PARD3: variants seen among roughly 807,000 people sequenced by gnomAD.
PARD3 encodes the protein partitioning defective 3 homolog.
Under a neutral mutation model 155.4 loss-of-function variants are expected in PARD3, and 75 were observed. The ratio of observed to expected loss-of-function variants is 0.48; its 90% CI spans 0.40 to 0.58. PARD3 has a LOEUF of 0.58. PARD3 is among the 20% of genes least tolerant of loss of function. The pLI is 0.00. For synonymous variants in PARD3, 576 were observed against 610.5 expected (o/e 0.94, Z 0.83); for missense variants, 1,642 against 1,721.7 (o/e 0.95, Z 0.82).
At chr10:34,216,394 G>A (rs562973362) in intron 22 of PARD3, among the ~76,000 whole-genome samples, 3 of 152,274 alleles carry the variant, frequency 2.0e-5, no homozygotes, top group South Asian at 2.1e-4. Flanking sequence ...GATTTTAGCC[G>A]TCTTAAACAC....
chr10:34,423,704 A>C (rs1442458173), intron 5 of PARD3, among the ~76,000 whole-genome samples: 1 of 152,114 alleles, frequency 6.6e-6, no homozygotes, highest in East Asian at 1.9e-4. Flanking sequence ...TACACAACTG[A>C]ATTTGGGCAT....
rs57482843 is a variant in PARD3 at position 34,324,777 on chromosome 10, C to A, written c.2833+6340G>T. On this transcript the variant is annotated intron_variant, in intron 19 of 24. Transcript: ENST00000374788. ...CTAATGAGAGAAATCACATCATCAT[C>A]ATCATCCATCTTTGTGTGAGAGACG... is the stretch of plus-strand genomic sequence containing the variant. Among the ~76,000 whole-genome samples, 823 of 152,226 alleles carry A rather than the reference C, an allele frequency of 5.4e-3. 9 individuals carry two copies. The highest frequency in any genetic ancestry group is 0.019 in the African/African-American group (770 of 41,536).
chr10:34,647,497 G>A (rs910065192), intron 2 of PARD3, among the ~76,000 whole-genome samples: 7 of 152,082 alleles, frequency 4.6e-5, no homozygotes, highest in African/African-American at 7.2e-5. Flanking sequence ...CAACGAAAAC[G>A]TTAAGGACTT....
chr10:34,708,304 G>A (rs888347825), intron 1 of PARD3, among the ~76,000 whole-genome samples: 3 of 150,678 alleles, frequency 2.0e-5, no homozygotes, highest in African/African-American at 7.3e-5. Flanking sequence ...TGATATCTAA[G>A]TGCAATGTAT....
chr10:34,575,680 A>T (rs538666280), intron 2 of PARD3, among the ~76,000 whole-genome samples: 1 of 152,012 alleles, frequency 6.6e-6, no homozygotes, highest in South Asian at 2.1e-4. Flanking sequence ...CAGATCACCT[A>T]AGGTCAGGAG....
chr10:34,421,570 A>G (rs1159783123), intron 5 of PARD3, among the ~76,000 whole-genome samples: 1 of 152,132 alleles, frequency 6.6e-6, no homozygotes, highest in Non-Finnish European at 1.5e-5. Flanking sequence ...AAATCTGCTA[A>G]AAGCCATGAA....
At chr10:34,328,152 AT>A (rs990433440) in intron 19 of PARD3, among the ~76,000 whole-genome samples, 7 of 151,828 alleles carry the variant, frequency 4.6e-5, no homozygotes, top group East Asian at 3.9e-4. Flanking sequence ...TTGATAGACA[AT>A]TTTTTTTTAA....
intron 2 of PARD3, among the ~76,000 whole-genome samples, chr10:34,569,329 AT>A (rs1209847561): frequency 6.6e-6 from 1 of 152,180 alleles, no homozygotes; most frequent in Non-Finnish European, 1.5e-5. Context: ...TTTGGGTTTG[AT>A]TTTTAAATAT....
intron 22 of PARD3, among the ~76,000 whole-genome samples, chr10:34,266,795 G>A (rs1450109253): frequency 6.6e-6 from 1 of 152,194 alleles, no homozygotes; most frequent in Admixed American, 6.5e-5. Flanking sequence ...GCAGGGTACA[G>A]ACTCCAAGTG....
intron 2 of PARD3, among the ~76,000 whole-genome samples, chr10:34,541,468 A>C (rs1001941293): frequency 2.0e-5 from 3 of 152,216 alleles, no homozygotes; most frequent in African/African-American, 7.2e-5. Flanking sequence ...ATGAATTCTG[A>C]ATTCATAGGC....
At chr10:34,775,293 G>A (rs1717480539) in intron 1 of PARD3, among the ~76,000 whole-genome samples, 3 of 152,134 alleles carry the variant, frequency 2.0e-5, no homozygotes, top group Non-Finnish European at 2.9e-5. Context: ...TGAAGCAGGA[G>A]GATCGCTTGA....
At chr10:34,349,948 A>G (rs1041687885) in intron 14 of PARD3, among the ~76,000 whole-genome samples, 19 of 152,350 alleles carry the variant, frequency 1.2e-4, no homozygotes, top group South Asian at 8.3e-4. Flanking sequence ...TTTTCTAGAG[A>G]AAAACAGTAA....
At chr10:34,762,688 T>C (rs975065465) in intron 1 of PARD3, among the ~76,000 whole-genome samples, 1 of 152,144 alleles carries the variant, frequency 6.6e-6, no homozygotes, top group Non-Finnish European at 1.5e-5. Flanking sequence ...AAAATAGTCT[T>C]GATGTATTGG....
At chr10:34,213,665 A>G (rs1306284346) in intron 22 of PARD3, among the ~76,000 whole-genome samples, 1 of 152,184 alleles carries the variant, frequency 6.6e-6, no homozygotes, top group African/African-American at 2.4e-5. Context: ...GAGGCCTTCA[A>G]AGGGCTCTCA....
chr10:34,752,152 G>A (rs984625628), intron 1 of PARD3, among the ~76,000 whole-genome samples: 1 of 151,946 alleles, frequency 6.6e-6, no homozygotes, highest in African/African-American at 2.4e-5. Context: ...TCTGTGGGAT[G>A]AGAAAAACCC....
chr10:34,700,557 A>C (rs2133528531), intron 1 of PARD3, among the ~76,000 whole-genome samples: 1 of 152,316 alleles, frequency 6.6e-6, no homozygotes, highest in South Asian at 2.1e-4. Flanking sequence ...GTCTAACTTA[A>C]GACCAGAAAA....
At position 34,802,577 on chromosome 10, in the gene PARD3, G is replaced by C. The variant is rs534307028; in HGVS notation, c.120+12299C>G. On this transcript the variant is annotated intron_variant, in intron 1 of 24. Coordinates refer to ENST00000374788, the MANE Select transcript of PARD3 (RefSeq NM_001184785.2). ...TTATGTGTCAAAGCTTTGGTCTGGG[G>C]GGCCCAAACCAAAACCTGGAAAAGC... is the stretch of plus-strand genomic sequence containing the variant. 2.0e-5 allele frequency among the ~76,000 whole-genome samples: 3 copies of C among 152,222 alleles called. No individual in the cohort carries two copies. In the East Asian group the frequency reaches 5.8e-4, roughly 29 times the overall value.
chr10:34,624,040 C>G (rs1163771127), intron 2 of PARD3, among the ~76,000 whole-genome samples: 1 of 151,966 alleles, frequency 6.6e-6, no homozygotes, highest in African/African-American at 2.4e-5. Context: ...TCCCAGGCAC[C>G]AGCTGCCTGG....
chr10:34,419,093 G>T (rs998618215), intron 5 of PARD3, among the ~76,000 whole-genome samples: 1 of 151,824 alleles, frequency 6.6e-6, no homozygotes, highest in African/African-American at 2.4e-5. Context: ...TTTAATAAAA[G>T]ACATGTGTTC....
Sources: gnomAD v4.1 joint callset for allele counts (sites outside exome capture counted in the v4.1 genomes callset) on GRCh38, gnomAD v4.1.1 for gene constraint, MANE v1.5 for transcripts, NCBI Gene and HGNC (gene_info 2026-07-23, HGNC 2026-07-21) for gene names.